Variants in GTF2IRD1 observed in about 807,000 individuals in gnomAD.
The protein encoded by GTF2IRD1 is general transcription factor II-I repeat domain-containing protein 1.
A neutral mutation model predicts 113.2 loss-of-function variants in GTF2IRD1; 26 were observed. The ratio of observed to expected loss-of-function variants is 0.23; its 90% confidence interval spans 0.17 to 0.32. GTF2IRD1 has a LOEUF of 0.32. Ranked by LOEUF, GTF2IRD1 falls within the 10% of genes least tolerant of loss-of-function variation. GTF2IRD1 has a pLI of 1.00. For synonymous variants in GTF2IRD1, 484 were observed against 529.1 expected, an observed-to-expected ratio of 0.91 and a Z score of 1.17; for missense variants, 864 against 1,280.8, an observed-to-expected ratio of 0.67 and a Z score of 4.97.
intron 1 of GTF2IRD1, among the ~76,000 whole-genome samples, chr7:74,461,428 A>G (rs1793355888): frequency 6.6e-6 from 1 of 152,012 alleles, no homozygotes; most frequent in African/African-American, 2.4e-5. Flanking sequence ...TGGCAGAACC[A>G]CCATCAAAGC....
At chr7:74,455,210 G>A (rs1554326899) in intron 1 of GTF2IRD1, among the ~76,000 whole-genome samples, 1 of 152,240 alleles carries the variant, frequency 6.6e-6, no homozygotes, top group Non-Finnish European at 1.5e-5. Context: ...CCTGTGAGGG[G>A]AGCACTGACT....
chr7:74,511,437 T>G (rs528359261), intron 2 of GTF2IRD1, among the ~76,000 whole-genome samples: 7 of 152,368 alleles, frequency 4.6e-5, no homozygotes, highest in African/African-American at 1.7e-4. Context: ...CTCTTTCAGC[T>G]GTGATGGATG....
intron 1 of GTF2IRD1, among the ~76,000 whole-genome samples, chr7:74,484,855 T>C (rs1342253108): frequency 6.6e-6 from 1 of 152,216 alleles, no homozygotes; most frequent in Non-Finnish European, 1.5e-5. Context: ...TTCTGCCTTT[T>C]GGCTATTGTG....
rs1554350124 is a variant in GTF2IRD1, at chr7:74,536,198, G to A, written c.1332G>A (p.Leu444=). The change falls in exon 11 of 27, where the codon CTG becomes CTA. Residue 444 remains leucine (L), a synonymous_variant. Transcript: ENST00000424337. ...GNKFTKDTTK[L]EPASPPEDTS... ...AGTTTACCAAAGACACCACGAAGCT[G>A]GAGCCAGCCAGCCCGCCAGAGGACA... The A allele has an allele frequency of 6.2e-7, 1 of 1,613,700 alleles. No homozygotes were observed. Among genetic ancestry groups the A allele is most frequent in the African/African-American group, 1.3e-5 (1 of 75,032 alleles).
At chr7:74,577,792 A>G (rs1393039739) in intron 22 of GTF2IRD1, among the ~76,000 whole-genome samples, 7 of 152,064 alleles carry the variant, frequency 4.6e-5, no homozygotes, top group African/African-American at 1.4e-4. Context: ...GGCTAGGACT[A>G]CAAGCACACG....
chr7:74,563,657 A>G, intron 22 of GTF2IRD1, among the ~76,000 whole-genome samples: 1 of 151,946 alleles, frequency 6.6e-6, no homozygotes. Context: ...AGGCCAAGGT[A>G]GGAGGATCAC....
In GTF2IRD1 at chr7:74,601,154, G is replaced by T. The variant is rs587722621; in HGVS notation, c.2740G>T (p.Ala914Ser). ...SSSSSNPDSV[A>S]SANQISLVQW... ...CTCGTCCTCTAACCCGGATTCAGTG[G>T]CATCGGCCAACCAGATCTCACTCGT... Residue 914 changes from alanine (A) to serine (S), a missense_variant, in exon 26 of 27, where the codon GCA becomes TCA. By Grantham distance (99) the Ala-to-Ser change is moderately conservative (BLOSUM62 1). Coordinates refer to ENST00000424337, the MANE Select transcript of GTF2IRD1 (RefSeq NM_005685.4). 7 of 1,604,836 alleles carry T rather than the reference G, an allele frequency of 4.4e-6. No homozygotes were observed. The highest frequency in any genetic ancestry group is 5.1e-6 in the Non-Finnish European group (6 of 1,175,402).
intron 14 of GTF2IRD1, 53 bp from the exon 15 acceptor site, chr7:74,544,702 A>G (rs1336561793): frequency 9.5e-6 from 15 of 1,582,172 alleles, no homozygotes; most frequent in African/African-American, 1.3e-5. Context: ...TCGGCAGTGC[A>G]TGGCTTAGGA....
chr7:74,546,958 G>T, intron 16 of GTF2IRD1, 145 bp from the exon 17 acceptor site: 1 of 718,038 alleles, frequency 1.4e-6, no homozygotes, highest in Non-Finnish European at 2.4e-6. Context: ...AGGCTGGGGG[G>T]CCACTCTTTC....
At chr7:74,563,685 A>C (rs1370613963) in intron 22 of GTF2IRD1, among the ~76,000 whole-genome samples, 8 of 152,146 alleles carry the variant, frequency 5.3e-5, no homozygotes, top group Non-Finnish European at 1.2e-4. Flanking sequence ...CAAGAGTTTG[A>C]GGCCAGCCTG....
intron 2 of GTF2IRD1, among the ~76,000 whole-genome samples, chr7:74,511,932 A>T (rs1340484484): frequency 6.6e-6 from 1 of 152,132 alleles, no homozygotes; most frequent in Non-Finnish European, 1.5e-5. Context: ...GGCCATGAGG[A>T]TAGCCAGCTG....
At chr7:74,456,265 GTGGGTGATGGCT>G (rs1218496719) in intron 1 of GTF2IRD1, among the ~76,000 whole-genome samples, 1 of 152,188 alleles carries the variant, frequency 6.6e-6, no homozygotes, top group Non-Finnish European at 1.5e-5. Context: ...CTTGTGGATG[GTGGGTGATGGCT>G]TGGGACATTC....
At chr7:74,583,622 T>G (rs1451431826) in intron 22 of GTF2IRD1, among the ~76,000 whole-genome samples, 2 of 151,702 alleles carry the variant, frequency 1.3e-5, no homozygotes, top group Non-Finnish European at 2.9e-5. Context: ...ACATGCACAC[T>G]CCCACCACTT....
chr7:74,541,719 A>G (rs1474608675), intron 14 of GTF2IRD1, among the ~76,000 whole-genome samples: 7 of 151,776 alleles, frequency 4.6e-5, no homozygotes, highest in African/African-American at 1.7e-4. Context: ...GGCCAGCATG[A>G]TGAAACCCCC....
chr7:74,470,711 G>A (rs1554332100), intron 1 of GTF2IRD1, among the ~76,000 whole-genome samples: 4 of 152,190 alleles, frequency 2.6e-5, no homozygotes, highest in Admixed American at 6.5e-5. Flanking sequence ...GATGAATGAT[G>A]GATACCACAC....
intron 1 of GTF2IRD1, among the ~76,000 whole-genome samples, chr7:74,504,319 T>C (rs1412687812): frequency 6.6e-6 from 1 of 152,246 alleles, no homozygotes; most frequent in Admixed American, 6.5e-5. Context: ...TTTGGGCTGC[T>C]GAGAGAGGCG....
chr7:74,553,357 C>T (rs1162434454), intron 17 of GTF2IRD1, among the ~76,000 whole-genome samples: 4 of 152,014 alleles, frequency 2.6e-5, no homozygotes, highest in Non-Finnish European at 5.9e-5. Context: ...GTGGCACAAT[C>T]ATAACTCACT....
chr7:74,587,385 A>G (rs1177384803), intron 22 of GTF2IRD1, among the ~76,000 whole-genome samples: 2 of 151,982 alleles, frequency 1.3e-5, no homozygotes, highest in African/African-American at 4.8e-5. Flanking sequence ...CAGAGGTTGC[A>G]GCGAACCGAG....
chr7:74,574,013 C>T (rs371777696), intron 22 of GTF2IRD1, among the ~76,000 whole-genome samples: 6 of 152,096 alleles, frequency 3.9e-5, no homozygotes, highest in East Asian at 3.8e-4. Flanking sequence ...GACAGAGTTG[C>T]GCTCTTATTG....
Sources: gnomAD v4.1 joint callset for allele counts (sites outside exome capture counted in the v4.1 genomes callset) on GRCh38, gnomAD v4.1.1 for gene constraint, MANE v1.5 for transcripts, NCBI Gene and HGNC (gene_info 2026-07-23, HGNC 2026-07-21) for gene names.